TPMT: variants seen among roughly 807,000 people sequenced by gnomAD.
TPMT encodes thiopurine S-methyltransferase.
In TPMT, 18 loss-of-function variants were observed where a neutral mutation model predicts 34.2. The ratio of observed to expected loss-of-function variants is 0.53; its 90% confidence interval spans 0.36 to 0.78. The LOEUF (loss-of-function observed/expected upper bound fraction) is 0.78, where lower values mean the gene tolerates loss of function less well. Among genes scored for constraint, TPMT ranks in the 30% least tolerant of loss-of-function variants. The pLI is 0.00. For missense variants in TPMT, 265 were observed against 288.1 expected (o/e 0.92, Z 0.58); for synonymous variants, 69 against 92.4 (o/e 0.75, Z 1.45).
rs1783896892 is a variant in TPMT, at chr6:18,129,653, T to A, written c.*1015A>T. ...ATCCAGCTCTAAGTACATTATATTT[T>A]ATAAGACCTGATGATTTAAACAGAT... On this transcript the variant is annotated 3_prime_UTR_variant, in exon 9 of 9. Coordinates refer to ENST00000309983, the MANE Select transcript of TPMT (RefSeq NM_000367.5). The A allele has an allele frequency of 6.6e-6, 1 of 152,206 alleles. No individual in the cohort carries two copies. The highest frequency in any genetic ancestry group is 2.1e-4 in the South Asian group (1 of 4,826). The allele number at this position is 152,206 out of a possible 1,614,324, so 9.4% of individuals were successfully genotyped here.
At chr6:18,152,280 A>C (rs1784366611) in intron 1 of TPMT, among the ~76,000 whole-genome samples, 1 of 151,994 alleles carries the variant, frequency 6.6e-6, no homozygotes, top group Non-Finnish European at 1.5e-5. Context: ...CCACTTGTCC[A>C]TTTGCCTTTC....
Position 18,154,297 on chromosome 6 carries a change from C to A in TPMT, c.-45+736G>T, listed in dbSNP as rs1240761724. 7.3e-6 allele frequency among the ~76,000 whole-genome samples: 1 copy of A among 136,922 alleles called. No homozygotes were observed. Among genetic ancestry groups the A allele is most frequent in the Non-Finnish European group, 1.6e-5 (1 of 62,278 alleles). The allele number at this position is 136,922 out of a possible 152,430, so 89.8% of individuals were successfully genotyped here. Reference sequence around the variant, plus strand: ...GAAATTTCACAAAAATTTCTGCCCACAAACAAAGTCCTCAAGTTGTTCTAG... The same window carrying A: ...GAAATTTCACAAAAATTTCTGCCCAAAAACAAAGTCCTCAAGTTGTTCTAG... On this transcript the variant is annotated intron_variant, in intron 1 of 8. Transcript: ENST00000309983. This position sits in a 1 kb window ranked among gnomAD's most constrained non-coding sequence, Gnocchi z 4.2.
intron 6 of TPMT, among the ~76,000 whole-genome samples, chr6:18,137,824 C>T (rs983296963): frequency 2.0e-4 from 30 of 152,114 alleles, no homozygotes; most frequent in Admixed American, 1.8e-3. Context: ...TCGCTCTTGT[C>T]GTCCAGGCTG....
rs914385368 is a variant in TPMT, at chr6:18,148,855, C to T, written c.140+133G>A. On this transcript the variant is annotated intron_variant, in intron 2 of 8. Coordinates refer to ENST00000309983, the MANE Select transcript of TPMT (RefSeq NM_000367.5). The surrounding 1 kb of genome is among the most constrained non-coding windows in gnomAD (Gnocchi z 4.1). The stretch of plus-strand genomic sequence containing the variant: ...ATCATGCCACAGATGCACTGTGACT[C>T]GGGAGACACAAAAATGTGAAGAATT... The T allele has an allele frequency of 2.2e-5, 29 of 1,329,504 alleles. No homozygotes were observed. Among genetic ancestry groups the T allele is most frequent in the African/African-American group, 8.7e-5 (6 of 69,252 alleles). The allele number at this position is 1,329,504 out of a possible 1,614,324, so 82.4% of individuals were successfully genotyped here. A position where few individuals can be genotyped will look rare whatever the true frequency, so the allele number is the denominator to read the frequency against.
rs1784020762 is a variant in TPMT at position 18,135,159 on chromosome 6, C to A, written c.495-1270G>T. ...CCACCTCACAAACTGTGAGAATTCA[C>A]CAGTGGATCACTCTTCCTTGTAGGT... is the stretch of plus-strand genomic sequence containing the variant. On this transcript the variant is annotated intron_variant, in intron 6 of 8. Coordinates refer to ENST00000309983, the MANE Select transcript of TPMT (RefSeq NM_000367.5). This position sits in a 1 kb window ranked among gnomAD's most constrained non-coding sequence, Gnocchi z 5.0. Among the ~76,000 whole-genome samples, 1 of 152,228 alleles carries A rather than the reference C, an allele frequency of 6.6e-6. No homozygotes were observed. The highest frequency in any genetic ancestry group is 6.5e-5 in the Admixed American group (1 of 15,284).
chr6:18,136,595 G>A lies in TPMT; in HGVS notation c.494+2368C>T, dbSNP rs1226016845. Among the ~76,000 whole-genome samples, 1 of 152,152 alleles carries A rather than the reference G, an allele frequency of 6.6e-6. No individual in the cohort carries two copies. The highest frequency in any genetic ancestry group is 6.5e-5 in the Admixed American group (1 of 15,268). ...GGCCGAGGCGGGTGGATCAGCTGGG[G>A]TCCGGAGTTCGAGACCAGCCTGACC... On this transcript the variant is annotated intron_variant, in intron 6 of 8. Transcript: ENST00000309983. This position sits in a 1 kb window ranked among gnomAD's most constrained non-coding sequence, Gnocchi z 4.7.
intron 3 of TPMT, among the ~76,000 whole-genome samples, chr6:18,144,510 C>G (rs940563559): frequency 2.0e-5 from 3 of 152,036 alleles, no homozygotes; most frequent in African/African-American, 7.3e-5. Context: ...TCCTGAGTAG[C>G]TGGGATTACA....
In TPMT at chr6:18,149,302, T is replaced by C. The variant is rs1424063341; in HGVS notation, c.-44-131A>G. 1 of 838,524 alleles carries C rather than the reference T, an allele frequency of 1.2e-6. No homozygotes were observed. Among genetic ancestry groups the C allele is most frequent in the Non-Finnish European group, 1.8e-6 (1 of 556,876 alleles). 51.9% of individuals were successfully genotyped at this position (838,524 alleles called of 1,614,324 possible). A position where few individuals can be genotyped will look rare whatever the true frequency, so the allele number is the denominator to read the frequency against. On this transcript the variant is annotated intron_variant, in intron 1 of 8. Transcript: ENST00000309983. This position sits in a 1 kb window ranked among gnomAD's most constrained non-coding sequence, Gnocchi z 5.0. Reference sequence around the variant, plus strand: ...TTCTTTCTTTTTTTATTTCTGGTTTTATTTTTGAGATGGAGTCTCACTCTG... The same window carrying C: ...TTCTTTCTTTTTTTATTTCTGGTTTCATTTTTGAGATGGAGTCTCACTCTG...
Position 18,149,279 on chromosome 6 carries a change from CT to C in TPMT, c.-44-109del. On this transcript the variant is annotated intron_variant, in intron 1 of 8. Coordinates refer to ENST00000309983, the MANE Select transcript of TPMT (RefSeq NM_000367.5). This position sits in a 1 kb window ranked among gnomAD's most constrained non-coding sequence, Gnocchi z 5.0. ...GCAGTATGACTTTTTAAAAATATTTCTTTCTTTTTTTATTTCTGGTTTTATT... is the reference window on the plus strand; with the variant it reads ...GCAGTATGACTTTTTAAAAATATTTCTTCTTTTTTTATTTCTGGTTTTATT... 1 of 1,035,544 alleles carries C rather than the reference CT, an allele frequency of 9.7e-7. No homozygotes were observed. The highest frequency in any genetic ancestry group is 1.4e-6 in the Non-Finnish European group (1 of 709,634). 64.1% of individuals were successfully genotyped at this position (1,035,544 alleles called of 1,614,324 possible).
intron 3 of TPMT, among the ~76,000 whole-genome samples, chr6:18,144,140 T>C (rs1013271232): frequency 2.0e-5 from 3 of 152,212 alleles, no homozygotes; most frequent in African/African-American, 7.2e-5. Flanking sequence ...TCCAATAAAA[T>C]AGGCATTAGC....
At chr6:18,137,859 C>T (rs1017589266) in intron 6 of TPMT, among the ~76,000 whole-genome samples, 3 of 152,184 alleles carry the variant, frequency 2.0e-5, no homozygotes, top group African/African-American at 7.2e-5. Flanking sequence ...CATCTTGGCT[C>T]ACTGCAACCT....
chr6:18,144,567 C>T (rs529005852), intron 3 of TPMT, among the ~76,000 whole-genome samples: 11 of 151,630 alleles, frequency 7.3e-5, no homozygotes, highest in East Asian at 3.9e-4. Flanking sequence ...TTAGTAGAGA[C>T]GGGGTTTCAC....
Position 18,145,696 on chromosome 6 carries a change from T to A in TPMT, c.234-1968A>T, listed in dbSNP as rs75617536. Among the ~76,000 whole-genome samples, 2,099 of 152,316 alleles carry A rather than the reference T, an allele frequency of 0.014. 44 individuals are homozygous for A. The highest frequency in any genetic ancestry group is 0.048 in the African/African-American group (1,979 of 41,554). On this transcript the variant is annotated intron_variant, in intron 3 of 8. Coordinates refer to ENST00000309983, the MANE Select transcript of TPMT (RefSeq NM_000367.5). The surrounding 1 kb of genome is among the most constrained non-coding windows in gnomAD (Gnocchi z 5.6). ...GATATCTGTAAACATACAGGGAGTT[T>A]AAAAATTCTCCCTACATTTTTTAAG...
rs1784329456 is a variant in TPMT at position 18,150,479 on chromosome 6, C to T, written c.-44-1308G>A. On this transcript the variant is annotated intron_variant, in intron 1 of 8. Coordinates refer to ENST00000309983, the MANE Select transcript of TPMT (RefSeq NM_000367.5). This position sits in a 1 kb window ranked among gnomAD's most constrained non-coding sequence, Gnocchi z 5.3. ...GGAGAATTCTCTCCTGGAATCTGCCCTGATTATTCTCTAATCTTGGTAGAC... is the reference window on the plus strand; with the variant it reads ...GGAGAATTCTCTCCTGGAATCTGCCTTGATTATTCTCTAATCTTGGTAGAC... 2.0e-5 allele frequency among the ~76,000 whole-genome samples: 3 copies of T among 152,208 alleles called. No homozygotes were observed. The South Asian group carries it at 6.2e-4, about 32-fold the overall frequency.
At chr6:18,142,508 G>A (rs943978496) in intron 4 of TPMT, among the ~76,000 whole-genome samples, 1 of 151,974 alleles carries the variant, frequency 6.6e-6, no homozygotes, top group African/African-American at 2.4e-5. Context: ...AGCACATGCC[G>A]GGAGCTTTTA....
rs1218756162 is a variant in TPMT, at chr6:18,148,156, G to T, written c.141-241C>A. 6.6e-6 allele frequency among the ~76,000 whole-genome samples: 1 copy of T among 152,040 alleles called. No homozygotes were observed. The highest frequency in any genetic ancestry group is 1.9e-4 in the East Asian group (1 of 5,188). On this transcript the variant is annotated intron_variant, in intron 2 of 8. Transcript: ENST00000309983. The surrounding 1 kb of genome is among the most constrained non-coding windows in gnomAD (Gnocchi z 4.1). The stretch of plus-strand genomic sequence containing the variant: ...TTAAAAATAATTTTTTTTTCTTGGG[G>T]ATGTTTTGAAAATTCTTTATTAATT...
In TPMT at chr6:18,149,791, A is replaced by T. The variant is rs1784319138; in HGVS notation, c.-44-620T>A. Among the ~76,000 whole-genome samples, 1 of 152,222 alleles carries T rather than the reference A, an allele frequency of 6.6e-6. No individual in the cohort carries two copies. The highest frequency in any genetic ancestry group is 2.4e-5 in the African/African-American group (1 of 41,456). Reference sequence around the variant, plus strand: ...TTTCAACATCCAATAAGAAGTGATAACAAAAAATTACTTTCAGTGCGTCTG... The same window carrying T: ...TTTCAACATCCAATAAGAAGTGATATCAAAAAATTACTTTCAGTGCGTCTG... On this transcript the variant is annotated intron_variant, in intron 1 of 8. Coordinates refer to ENST00000309983, the MANE Select transcript of TPMT (RefSeq NM_000367.5). The surrounding 1 kb of genome is among the most constrained non-coding windows in gnomAD (Gnocchi z 5.0).
rs1237393397 is a variant in TPMT, at chr6:18,136,763, T to C, written c.494+2200A>G. On this transcript the variant is annotated intron_variant, in intron 6 of 8. Coordinates refer to ENST00000309983, the MANE Select transcript of TPMT (RefSeq NM_000367.5). This position sits in a 1 kb window ranked among gnomAD's most constrained non-coding sequence, Gnocchi z 4.7. ...AGGCAGAGGTTGCGGTGAGCCGAGA[T>C]AGTGCCATTGCACTCCAGCCTGGGC... 1.3e-5 allele frequency among the ~76,000 whole-genome samples: 2 copies of C among 152,200 alleles called. No homozygotes were observed. Among genetic ancestry groups the C allele is most frequent in the African/African-American group, 4.8e-5 (2 of 41,446 alleles).
intron 6 of TPMT, among the ~76,000 whole-genome samples, chr6:18,137,096 A>G (rs1317656260): frequency 1.3e-5 from 2 of 151,368 alleles, no homozygotes; most frequent in African/African-American, 2.4e-5. Context: ...AAAAATAAAA[A>G]TCTTATTTCA....
Sources: gnomAD v4.1 joint callset for allele counts (sites outside exome capture counted in the v4.1 genomes callset) on GRCh38, gnomAD v4.1.1 for gene constraint, Gnocchi (gnomAD v3.1) non-coding constraint, MANE v1.5 for transcripts, NCBI Gene and HGNC (gene_info 2026-07-23, HGNC 2026-07-21) for gene names.